Variants in ABCC4 observed in about 807,000 individuals in gnomAD.
The protein encoded by ABCC4 is ATP binding cassette subfamily C member 4 (PEL blood group), also known as ATP-binding cassette sub-family C member 4.
Under a neutral mutation model 168.5 loss-of-function variants are expected in ABCC4, and 102 were observed. The observed-to-expected ratio is 0.61, with a 90% CI of 0.52 to 0.71. The LOEUF is 0.71. Ranked by LOEUF, ABCC4 falls within the 30% of genes least tolerant of loss-of-function variation. The pLI is 0.00. For synonymous variants in ABCC4, 617 were observed against 590.7 expected, an observed-to-expected ratio of 1.04 and a Z score of -0.65; for missense variants, 1,402 against 1,605.8, an observed-to-expected ratio of 0.87 and a Z score of 2.17.
chr13:95,046,219 T>C (rs565680288), intron 27 of ABCC4, among the ~76,000 whole-genome samples: 1 of 152,310 alleles, frequency 6.6e-6, no homozygotes, highest in South Asian at 2.1e-4. Context: ...TGAGTTGATT[T>C]TGATAATACT....
intron 1 of ABCC4, among the ~76,000 whole-genome samples, chr13:95,293,527 C>T (rs1006227995): frequency 6.8e-6 from 1 of 146,136 alleles, no homozygotes; most frequent in Non-Finnish European, 1.5e-5. Context: ...AGTGCAGTGG[C>T]GTGATCTTGG....
chr13:95,164,221 C>A (rs4148502), intron 16 of ABCC4, among the ~76,000 whole-genome samples, 157 bp downstream of exon 16: 1 of 152,028 alleles, frequency 6.6e-6, no homozygotes, highest in Non-Finnish European at 1.5e-5. Flanking sequence ...GTCTTTGTAA[C>A]GGACATGGAA....
chr13:95,059,861 T>A (rs1594027294), intron 26 of ABCC4, among the ~76,000 whole-genome samples: 2 of 152,282 alleles, frequency 1.3e-5, no homozygotes, highest in South Asian at 4.2e-4. Flanking sequence ...CACAAACATG[T>A]TCTCATCTAG....
chr13:95,196,725 GAAGGAAGA>G, intron 8 of ABCC4, among the ~76,000 whole-genome samples: 1 of 103,316 alleles, frequency 9.7e-6, no homozygotes. Flanking sequence ...AGGAAGGAAG[GAAGGAAGA>G]AGGGAGGGAG....
intron 4 of ABCC4, among the ~76,000 whole-genome samples, chr13:95,217,519 A>T (rs2039153855): frequency 6.6e-6 from 1 of 151,978 alleles, no homozygotes; most frequent in Non-Finnish European, 1.5e-5. Flanking sequence ...ATCACCTTAG[A>T]TCAGGAGTTC....
chr13:95,191,750 C>T (rs2038257977), intron 9 of ABCC4, among the ~76,000 whole-genome samples: 1 of 152,242 alleles, frequency 6.6e-6, no homozygotes. Context: ...CTGTCCCTTT[C>T]CCCTCCTTTG....
chr13:95,137,967 A>G (rs756669129), intron 19 of ABCC4, among the ~76,000 whole-genome samples: 1 of 151,962 alleles, frequency 6.6e-6, no homozygotes, highest in Non-Finnish European at 1.5e-5. Flanking sequence ...GCAAAGTTTT[A>G]TTTTCTTTGG....
At chr13:95,211,583 CG>C (rs1376315760) in intron 4 of ABCC4, among the ~76,000 whole-genome samples, 2 of 151,986 alleles carry the variant, frequency 1.3e-5, no homozygotes, top group Admixed American at 1.3e-4. Context: ...CTCATGGAAG[CG>C]GGGCTGAAAC....
At chr13:95,180,269 C>T (rs975708632) in intron 11 of ABCC4, among the ~76,000 whole-genome samples, 3 of 151,974 alleles carry the variant, frequency 2.0e-5, no homozygotes, top group African/African-American at 4.8e-5. Flanking sequence ...AAAAAGACAA[C>T]GCGGCCAGGC....
chr13:95,136,152 T>C (rs945175481), intron 19 of ABCC4, among the ~76,000 whole-genome samples: 1 of 152,032 alleles, frequency 6.6e-6, no homozygotes, highest in Non-Finnish European at 1.5e-5. Flanking sequence ...TGGGGAAAGA[T>C]CTCAAATTTA....
intron 3 of ABCC4, among the ~76,000 whole-genome samples, chr13:95,238,195 GAAAAAAAAA>G (rs10644641): frequency 4.6e-4 from 30 of 65,872 alleles, no homozygotes; most frequent in Non-Finnish European, 8.7e-4. Flanking sequence ...CTCCATCTCA[GAAAAAAAAA>G]AAAAAAAAAA....
intron 4 of ABCC4, among the ~76,000 whole-genome samples, chr13:95,219,404 T>C (rs61965939): frequency 0.065 from 9,886 of 152,150 alleles, 357 homozygotes; most frequent in East Asian, 0.1. Flanking sequence ...AGGACATACA[T>C]GGGGACAAAT....
chr13:95,033,212 T>C (rs1225010326), intron 30 of ABCC4, among the ~76,000 whole-genome samples: 1 of 152,156 alleles, frequency 6.6e-6, no homozygotes, highest in Non-Finnish European at 1.5e-5. Context: ...GTAATAGATA[T>C]TTAAAATATT....
intron 1 of ABCC4, among the ~76,000 whole-genome samples, chr13:95,287,438 T>C (rs2041287202): frequency 6.7e-6 from 1 of 150,232 alleles, no homozygotes. Flanking sequence ...AATACAAAAA[T>C]TAGCTGGGCA....
In ABCC4 at chr13:95,054,021, C is replaced by CTTTTTTTTTTTTTTTTTTTTTT. The variant is rs55980425; in HGVS notation, c.3367-859_3367-838dup. The CTTTTTTTTTTTTTTTTTTTTTT allele has an allele frequency of 7.0e-5, 5 of 71,628 alleles. 1 individual carries two copies. The highest frequency in any genetic ancestry group is 3.6e-4 in the African/African-American group (5 of 13,756). 4.4% of individuals were successfully genotyped at this position (71,628 alleles called of 1,614,324 possible). ...CTCTCCAATGTCAGAATGGGACATC[C>CTTTTTTTTTTTTTTTTTTTTTT]TTTTTTTTTTTTTTTTTTTTTTTTT... On this transcript the variant is annotated intron_variant, in intron 26 of 30. Coordinates refer to ENST00000645237, the MANE Select transcript of ABCC4 (RefSeq NM_005845.5).
intron 1 of ABCC4, among the ~76,000 whole-genome samples, chr13:95,282,458 C>A (rs964722627): frequency 1.3e-5 from 2 of 152,170 alleles, no homozygotes; most frequent in African/African-American, 4.8e-5. Context: ...ATCGAAAATA[C>A]CAGTGTGTCA....
intron 8 of ABCC4, among the ~76,000 whole-genome samples, chr13:95,196,629 G>A (rs200719132): frequency 0.011 from 84 of 7,342 alleles, 4 homozygotes; most frequent in Admixed American, 0.021. Context: ...AGGAAGGAAG[G>A]AAGGAAGGAA....
chr13:95,253,309 AT>A (rs1458990779), intron 1 of ABCC4, among the ~76,000 whole-genome samples: 25 of 152,112 alleles, frequency 1.6e-4, no homozygotes, highest in Non-Finnish European at 2.9e-4. Context: ...TTGAAAGGCT[AT>A]TGCATTTCAC....
At chr13:95,233,439 G>A (rs1400639058) in intron 4 of ABCC4, among the ~76,000 whole-genome samples, 1 of 152,080 alleles carries the variant, frequency 6.6e-6, no homozygotes, top group Non-Finnish European at 1.5e-5. Context: ...ATAAGTGGGA[G>A]GTAATCATTG....
Sources: allele counts gnomAD v4.1 joint callset (sites outside exome capture counted in the v4.1 genomes callset), GRCh38; gene constraint gnomAD v4.1.1; transcripts MANE v1.5; gene names NCBI Gene and HGNC (gene_info 2026-07-23, HGNC 2026-07-21).